The following WRAP73 variants were observed in gnomAD, a reference collection of about 807,000 sequenced individuals.
The protein encoded by WRAP73 is WD repeat-containing protein WRAP73.
Under a neutral mutation model 59.6 loss-of-function variants are expected in WRAP73, and 55 were observed. That is an observed-to-expected ratio of 0.92 (90% CI 0.74 to 1.15). The LOEUF (loss-of-function observed/expected upper bound fraction) is 1.15. Among genes scored for constraint, WRAP73 ranks in the 50% most tolerant of loss-of-function variants. The pLI is 0.00. For missense variants in WRAP73, 592 were observed against 608.1 expected, an observed-to-expected ratio of 0.97 and a Z score of 0.28; for synonymous variants, 265 against 258.2, an observed-to-expected ratio of 1.03 and a Z score of -0.25.
rs546989541 is a variant in WRAP73 at position 3,650,068 on chromosome 1, T to C, written c.-69A>G. ...CGGGACCCCTGGGCGCGCAGCAGGC[T>C]GCAACAGCCGACGCCGGCCTCCGAG... On this transcript the variant is annotated 5_prime_UTR_variant, in exon 1 of 12. Coordinates refer to ENST00000270708, the MANE Select transcript of WRAP73 (RefSeq NM_017818.4). The C allele has an allele frequency of 6.9e-5, 30 of 435,544 alleles. No homozygotes were observed. The South Asian group carries it at 1.2e-3, about 18-fold the overall frequency. The allele number at this position is 435,544 out of a possible 1,614,324, so 27.0% of individuals were successfully genotyped here.
At chr1:3,635,462 G>A (rs751468544) in intron 6 of WRAP73, 168 bp from the exon 7 acceptor site, 8 of 866,138 alleles carry the variant, frequency 9.2e-6, no homozygotes, top group African/African-American at 1.7e-5. Context: ...AGATAGTCAC[G>A]GAGAGGCAGT....
At chr1:3,641,864 G>T (rs1331011961) in intron 3 of WRAP73, among the ~76,000 whole-genome samples, 2 of 152,170 alleles carry the variant, frequency 1.3e-5, no homozygotes, top group Non-Finnish European at 2.9e-5. Context: ...TAAAAGGATA[G>T]AAAAAGACAT....
At chr1:3,638,685 T>C (rs1478722845) in intron 4 of WRAP73, 65 bp downstream of exon 4, 2 of 1,589,100 alleles carry the variant, frequency 1.3e-6, no homozygotes, top group African/African-American at 2.7e-5. Context: ...TCTTTGAAAC[T>C]TCCCGTGACA....
At position 3,636,075 on chromosome 1, in the gene WRAP73, C is replaced by T. The variant is rs199744192; in HGVS notation, c.517-45G>A. ...AAACATTAAATTTGGAAAATATTTT[C>T]GTAAATAAATAATTGCATTTATGAC... On this transcript the variant is annotated intron_variant, in intron 5 of 11. Transcript: ENST00000270708. 3.2e-5 allele frequency: 46 copies of T among 1,440,984 alleles called. No individual in the cohort carries two copies. In the East Asian group the frequency reaches 7.5e-4, roughly 24 times the overall value. The allele number at this position is 1,440,984 out of a possible 1,614,324, so 89.3% of individuals were successfully genotyped here.
intron 8 of WRAP73, 96 bp from the exon 9 acceptor site, chr1:3,633,599 G>A (rs1007045819): frequency 3.2e-6 from 3 of 946,690 alleles, no homozygotes; most frequent in Non-Finnish European, 4.7e-6. Flanking sequence ...TGGTCAACAG[G>A]TGTGCCTGCC....
At chr1:3,645,551 G>A (rs1453497712) in intron 3 of WRAP73, among the ~76,000 whole-genome samples, 3 of 151,958 alleles carry the variant, frequency 2.0e-5, no homozygotes, top group Non-Finnish European at 4.4e-5. Context: ...CGGGATGGGC[G>A]GGTTACCGAG....
At chr1:3,638,348 C>T (rs1002605192) in intron 4 of WRAP73, among the ~76,000 whole-genome samples, 6 of 152,138 alleles carry the variant, frequency 3.9e-5, no homozygotes, top group African/African-American at 1.2e-4. Flanking sequence ...CTCCCCCTTT[C>T]GCAGACATCA....
At chr1:3,632,077 C>CT in intron 10 of WRAP73, 136 bp downstream of exon 10, 4 of 1,498,194 alleles carry the variant, frequency 2.7e-6, no homozygotes, top group Non-Finnish European at 3.5e-6. Context: ...CTGTGAGCAC[C>CT]TCGGCTACTG....
Position 3,650,075 on chromosome 1 carries a change from G to T in WRAP73, c.-76C>A. 1 of 1,424,076 alleles carries T rather than the reference G, an allele frequency of 7.0e-7. No individual in the cohort carries two copies. Among genetic ancestry groups the T allele is most frequent in the Non-Finnish European group, 9.4e-7 (1 of 1,067,710 alleles). 88.2% of individuals were successfully genotyped at this position (1,424,076 alleles called of 1,614,324 possible). A position where few individuals can be genotyped will look rare whatever the true frequency, so the allele number is the denominator to read the frequency against. On this transcript the variant is annotated 5_prime_UTR_variant, in exon 1 of 12. It adds an upstream start codon to the 5' untranslated region. Transcript: ENST00000270708. ...CCTGGGCGCGCAGCAGGCTGCAACA[G>T]CCGACGCCGGCCTCCGAGGCCGGAA...
chr1:3,638,675 T>C, intron 4 of WRAP73, 75 bp downstream of exon 4: 1 of 1,553,278 alleles, frequency 6.4e-7, no homozygotes, highest in Non-Finnish European at 8.9e-7. Flanking sequence ...TACTTCTGCC[T>C]CTTTGAAACT....
At chr1:3,634,712 G>C (rs190470265) in intron 8 of WRAP73, 15 of 462,104 alleles carry the variant, frequency 3.2e-5, no homozygotes, top group Admixed American at 1.0e-4. Context: ...GTACAGCACA[G>C]GGATCTGCAT....
chr1:3,642,800 G>A (rs895190339), intron 3 of WRAP73, among the ~76,000 whole-genome samples: 13 of 151,224 alleles, frequency 8.6e-5, no homozygotes, highest in African/African-American at 3.2e-4. Context: ...CCCACAGTGT[G>A]CCCCACTACG....
chr1:3,631,872 TTC>T, intron 10 of WRAP73: 1 of 1,399,116 alleles, frequency 7.1e-7, no homozygotes, highest in South Asian at 1.7e-5. Flanking sequence ...CCAAATGTGT[TTC>T]TTTCTTTGGT....
chr1:3,641,241 G>A (rs1644641336), intron 3 of WRAP73, among the ~76,000 whole-genome samples: 1 of 152,118 alleles, frequency 6.6e-6, no homozygotes, highest in Non-Finnish European at 1.5e-5. Context: ...CTACGACCCA[G>A]TGTGCTGAAG....
Position 3,634,988 on chromosome 1 carries a change from CAGACTTACT to C in WRAP73, c.816_816+8del. The C allele has an allele frequency of 6.2e-7, 1 of 1,614,174 alleles. No homozygotes were observed. The highest frequency in any genetic ancestry group is 1.3e-5 in the African/African-American group (1 of 75,060). On this transcript the variant is annotated splice_donor_variant and splice_donor_5th_base_variant and coding_sequence_variant and intron_variant, in exon 8 of 12. Transcript: ENST00000270708. LOFTEE classifies it high-confidence loss of function. Reference sequence around the variant, plus strand: ...CCTGCTCAGGCAGAAACACGTGTTCCAGACTTACTATCTTGGGATCATTAATGGCTGCAG... The same window carrying C: ...CCTGCTCAGGCAGAAACACGTGTTCCATCTTGGGATCATTAATGGCTGCAG...
rs200814404 is a variant in WRAP73 at position 3,635,244 on chromosome 1, G to A, written c.654C>T (p.Ser218=). ...SLDGRLLSTY[S]AYEWSLGIKS... is the part of the protein sequence containing the mutation. ...TGATGCCCAGGGACCACTCGTAAGC[G>A]CTGTACGTGGACAACAACCGGCCAT... Residue 218 remains serine, a synonymous_variant, in exon 7 of 12, where the codon AGC becomes AGT. Transcript: ENST00000270708. 89 of 1,613,886 alleles carry A rather than the reference G, an allele frequency of 5.5e-5. No individual in the cohort carries two copies. Among genetic ancestry groups the A allele is most frequent in the Non-Finnish European group, 7.1e-5 (84 of 1,180,044 alleles).
chr1:3,636,354 G>A (rs113670801), intron 5 of WRAP73: 8 of 348,610 alleles, frequency 2.3e-5, no homozygotes, highest in East Asian at 7.0e-5. Context: ...GCCTGCACTC[G>A]TGTGCACACT....
chr1:3,630,914 GTT>G lies in WRAP73; in HGVS notation c.*59_*60del. On this transcript the variant is annotated 3_prime_UTR_variant, in exon 12 of 12. Transcript: ENST00000270708. ...GTGGAGAACCTCCTGGTGAAGCTGT[GTT>G]TTTTCCCACACTGGAAACACAGAGT... 1 of 1,565,796 alleles carries G rather than the reference GTT, an allele frequency of 6.4e-7. No homozygotes were observed.
chr1:3,645,155 T>C (rs1307726730), intron 3 of WRAP73, among the ~76,000 whole-genome samples: 1 of 152,260 alleles, frequency 6.6e-6, no homozygotes, highest in Non-Finnish European at 1.5e-5. Context: ...TCCAGCCATC[T>C]GAAGCAGTTG....
Sources: gnomAD v4.1 joint callset for allele counts (sites outside exome capture counted in the v4.1 genomes callset) on GRCh38, gnomAD v4.1.1 for gene constraint, MANE v1.5 for transcripts, NCBI Gene and HGNC (gene_info 2026-07-23, HGNC 2026-07-21) for gene names.